Variants in BACH2 observed in about 807,000 individuals in gnomAD.
The protein encoded by BACH2 is BACH transcriptional regulator 2, also known as transcription regulator protein BACH2.
BACH2 carries 5 observed loss-of-function variants against 61.8 expected under a neutral mutation model. The ratio of observed to expected loss-of-function variants is 0.08; its 90% CI spans 0.04 to 0.17. The LOEUF is 0.17. Among genes scored for constraint, BACH2 ranks in the 10% least tolerant of loss-of-function variants. The pLI is 1.00. For missense variants in BACH2, 824 were observed against 1,091.1 expected (o/e 0.76, Z 3.45); for synonymous variants, 446 against 440.1 (o/e 1.01, Z -0.17).
chr6:90,191,648 A>C (rs918290246), intron 4 of BACH2, among the ~76,000 whole-genome samples: 1 of 152,192 alleles, frequency 6.6e-6, no homozygotes, highest in African/African-American at 2.4e-5. Context: ...CTCATTACTT[A>C]AGGGTCTCTG....
chr6:89,934,107 T>C (rs1163838555), intron 8 of BACH2, among the ~76,000 whole-genome samples: 1 of 152,158 alleles, frequency 6.6e-6, no homozygotes, highest in Non-Finnish European at 1.5e-5. Context: ...CTGGCCTTGG[T>C]AGCAGAGCAG....
At chr6:90,289,483 T>G (rs893448584) in intron 1 of BACH2, among the ~76,000 whole-genome samples, 1 of 152,134 alleles carries the variant, frequency 6.6e-6, no homozygotes, top group Non-Finnish European at 1.5e-5. Context: ...ATCAATTTAT[T>G]TTAAATAGAT....
chr6:90,199,155 T>C (rs538149332), intron 4 of BACH2, among the ~76,000 whole-genome samples: 7 of 152,332 alleles, frequency 4.6e-5, no homozygotes, highest in Admixed American at 4.6e-4. Flanking sequence ...AACAAGCTAA[T>C]GCAGACTGCT....
intron 6 of BACH2, among the ~76,000 whole-genome samples, chr6:89,985,537 G>C (rs1209285490): frequency 6.6e-6 from 1 of 152,154 alleles, no homozygotes. Context: ...ATGTCCCTGA[G>C]AGTGACACAG....
intron 4 of BACH2, among the ~76,000 whole-genome samples, chr6:90,134,390 G>C (rs1784205380): frequency 6.6e-6 from 1 of 152,194 alleles, no homozygotes; most frequent in Non-Finnish European, 1.5e-5. Context: ...GTACATCAGT[G>C]CCCTGTTTGT....
intron 4 of BACH2, among the ~76,000 whole-genome samples, chr6:90,100,704 CACACACACACACACACACACACAG>C (rs1431486960): frequency 1.4e-4 from 9 of 66,340 alleles, no homozygotes; most frequent in Admixed American, 1.2e-3. Flanking sequence ...CACACACAGA[CACACACACACACACACACACACAG>C]ACACACACAC....
At chr6:90,211,588 C>CCG (rs1554258006) in intron 3 of BACH2, among the ~76,000 whole-genome samples, 1 of 144,036 alleles carries the variant, frequency 6.9e-6, no homozygotes. Flanking sequence ...GTGTCAAGGG[C>CCG]TGTGTGTGTG....
intron 4 of BACH2, among the ~76,000 whole-genome samples, chr6:90,172,090 G>A (rs1437061227): frequency 2.0e-5 from 3 of 152,040 alleles, no homozygotes; most frequent in South Asian, 2.1e-4. Context: ...GGTGGATCAC[G>A]AGGTCAGTAG....
intron 4 of BACH2, among the ~76,000 whole-genome samples, chr6:90,144,029 TGTCACACCAAGCACTTAATAA>T (rs1400574489): frequency 6.6e-6 from 1 of 152,196 alleles, no homozygotes; most frequent in Non-Finnish European, 1.5e-5. Flanking sequence ...GCACAGAACT[TGTCACACCAAGCACTTAATAA>T]GTATTCGTTG....
intron 8 of BACH2, among the ~76,000 whole-genome samples, chr6:89,936,389 G>T (rs1773023327): frequency 6.6e-6 from 1 of 152,172 alleles, no homozygotes; most frequent in African/African-American, 2.4e-5. Context: ...TGATCCTCCT[G>T]CCTCAGCCTC....
intron 1 of BACH2, among the ~76,000 whole-genome samples, chr6:90,283,215 C>CT (rs1183340944): frequency 6.6e-6 from 1 of 151,952 alleles, no homozygotes; most frequent in Non-Finnish European, 1.5e-5. Flanking sequence ...GGTTATCTGG[C>CT]TTTTTTATTG....
intron 6 of BACH2, among the ~76,000 whole-genome samples, chr6:89,974,719 A>G (rs1471603440): frequency 6.6e-6 from 1 of 152,204 alleles, no homozygotes; most frequent in Admixed American, 6.5e-5. Flanking sequence ...TTTTCGTGGG[A>G]CAAGGGATAG....
At chr6:90,227,723 A>G (rs1769962022) in intron 3 of BACH2, among the ~76,000 whole-genome samples, 3 of 152,212 alleles carry the variant, frequency 2.0e-5, no homozygotes, top group East Asian at 1.9e-4. Context: ...GTGATCTGAA[A>G]TATCAACAAA....
At chr6:90,291,560 GA>G (rs1393584005) in intron 1 of BACH2, among the ~76,000 whole-genome samples, 19 of 72,094 alleles carry the variant, frequency 2.6e-4, no homozygotes, top group African/African-American at 7.2e-4. Context: ...CAAAAAAAAA[GA>G]AAAAAAAAAG....
chr6:90,032,001 G>C (rs1443892135), intron 5 of BACH2, among the ~76,000 whole-genome samples: 1 of 151,854 alleles, frequency 6.6e-6, no homozygotes, highest in Non-Finnish European at 1.5e-5. Context: ...CTGGTACCAA[G>C]ACAGACATAT....
At chr6:90,272,400 C>T (rs1440173072) in intron 1 of BACH2, among the ~76,000 whole-genome samples, 1 of 152,058 alleles carries the variant, frequency 6.6e-6, no homozygotes, top group Non-Finnish European at 1.5e-5. Flanking sequence ...CCTCAGAAAT[C>T]GTCTGTTCCC....
At chr6:90,205,110 T>A (rs1428266245) in intron 4 of BACH2, among the ~76,000 whole-genome samples, 1 of 152,156 alleles carries the variant, frequency 6.6e-6, no homozygotes, top group Non-Finnish European at 1.5e-5. Flanking sequence ...TTCGTGCCCA[T>A]GAGAAGGCTG....
chr6:90,029,338 A>G (rs1237238002), intron 5 of BACH2, among the ~76,000 whole-genome samples: 1 of 152,098 alleles, frequency 6.6e-6, no homozygotes, highest in African/African-American at 2.4e-5. Flanking sequence ...GAAGATAAAG[A>G]CTGTCTCCCG....
chr6:89,973,963 C>G (rs1418189651), intron 6 of BACH2, among the ~76,000 whole-genome samples: 1 of 151,790 alleles, frequency 6.6e-6, no homozygotes, highest in African/African-American at 2.4e-5. Flanking sequence ...TTTCAGCATC[C>G]TATTATTTCT....
Sources: gnomAD v4.1 joint callset for allele counts (sites outside exome capture counted in the v4.1 genomes callset) on GRCh38, gnomAD v4.1.1 for gene constraint, MANE v1.5 for transcripts, NCBI Gene and HGNC (gene_info 2026-07-23, HGNC 2026-07-21) for gene names.